Variants in CRTC3 observed in about 807,000 individuals in gnomAD.
The protein encoded by CRTC3 is CREB-regulated transcription coactivator 3.
Under a neutral mutation model 74.5 loss-of-function variants are expected in CRTC3, and 26 were observed. The ratio of observed to expected loss-of-function variants is 0.35; its 90% CI spans 0.26 to 0.48. CRTC3 has a LOEUF of 0.48. Among genes scored for constraint, CRTC3 ranks in the 20% least tolerant of loss-of-function variants. The probability of loss-of-function intolerance (pLI) is 0.99; values close to 1 mark genes in which losing one functional copy is unlikely to be tolerated. For missense variants in CRTC3, 760 were observed against 787.3 expected, an observed-to-expected ratio of 0.97 and a Z score of 0.41; for synonymous variants, 377 against 325.8, an observed-to-expected ratio of 1.16 and a Z score of -1.69.
chr15:90,534,035 G>T (rs1223969526), intron 1 of CRTC3, among the ~76,000 whole-genome samples: 1 of 152,172 alleles, frequency 6.6e-6, no homozygotes, highest in Non-Finnish European at 1.5e-5. Flanking sequence ...AGTCACTGAA[G>T]GGGTTAAACT....
At chr15:90,641,734 G>GA (rs1331070867) in intron 14 of CRTC3, among the ~76,000 whole-genome samples, 198 bp from the exon 15 acceptor site, 3 of 151,938 alleles carry the variant, frequency 2.0e-5, no homozygotes, top group South Asian at 2.1e-4. Flanking sequence ...TGTTCAAAAG[G>GA]AAAAAACCTG....
At chr15:90,634,882 C>G (rs1407202133) in intron 11 of CRTC3, 2 of 1,565,042 alleles carry the variant, frequency 1.3e-6, no homozygotes, top group African/African-American at 2.7e-5. Flanking sequence ...GGATCGGGTT[C>G]TAAAGGTAAG....
chr15:90,559,896 G>T (rs1191342301), intron 2 of CRTC3, among the ~76,000 whole-genome samples: 17 of 152,194 alleles, frequency 1.1e-4, no homozygotes, highest in Admixed American at 6.5e-4. Context: ...ATCCGCCTTG[G>T]CCTCCCAAAG....
intron 2 of CRTC3, among the ~76,000 whole-genome samples, chr15:90,587,289 A>G (rs1181319996): frequency 1.3e-5 from 2 of 152,176 alleles, no homozygotes; most frequent in Admixed American, 6.5e-5. Context: ...GGAGTATGGT[A>G]CTGTCTGCCG....
At chr15:90,585,151 T>C (rs1038151828) in intron 2 of CRTC3, among the ~76,000 whole-genome samples, 1 of 152,220 alleles carries the variant, frequency 6.6e-6, no homozygotes, top group African/African-American at 2.4e-5. Context: ...TTTTTCATTT[T>C]TCTTTTTTGA....
At chr15:90,601,691 C>A (rs569809440) in intron 3 of CRTC3, among the ~76,000 whole-genome samples, 1 of 152,016 alleles carries the variant, frequency 6.6e-6, no homozygotes, top group South Asian at 2.1e-4. Context: ...CCCACCTTAA[C>A]TTAAAAAAAG....
intron 8 of CRTC3, among the ~76,000 whole-genome samples, chr15:90,619,391 A>T (rs1968579145): frequency 6.6e-6 from 1 of 152,220 alleles, no homozygotes; most frequent in Non-Finnish European, 1.5e-5. Context: ...CAGGAAGCGG[A>T]GGTTGCTGTG....
At chr15:90,629,671 C>G in intron 11 of CRTC3, 139 bp downstream of exon 11, 1 of 716,808 alleles carries the variant, frequency 1.4e-6, no homozygotes, top group South Asian at 1.8e-5. Context: ...AGTCTGTTCG[C>G]TCTTATATGT....
At chr15:90,626,056 G>T in intron 10 of CRTC3, 63 bp downstream of exon 10, 1 of 1,240,422 alleles carries the variant, frequency 8.1e-7, no homozygotes, top group Non-Finnish European at 1.2e-6. Context: ...CACCCATGTG[G>T]CCTGTTCAGT....
chr15:90,641,242 T>C (rs1969430290), intron 14 of CRTC3, 43 bp downstream of exon 14: 1 of 1,300,390 alleles, frequency 7.7e-7, no homozygotes. Flanking sequence ...TTTTATGTTG[T>C]TGTGTGTTCA....
intron 1 of CRTC3, among the ~76,000 whole-genome samples, chr15:90,535,157 G>A (rs1386849036): frequency 4.7e-5 from 4 of 84,986 alleles, no homozygotes; most frequent in Non-Finnish European, 9.2e-5. Context: ...GCGAAACTCC[G>A]TCTCAAAAAA....
At chr15:90,545,242 C>T (rs550882255) in intron 2 of CRTC3, among the ~76,000 whole-genome samples, 9 of 152,188 alleles carry the variant, frequency 5.9e-5, no homozygotes, top group African/African-American at 1.9e-4. Context: ...TCCATTCATC[C>T]GCTAATGGAT....
At chr15:90,562,264 C>T (rs956266335) in intron 2 of CRTC3, among the ~76,000 whole-genome samples, 2 of 152,204 alleles carry the variant, frequency 1.3e-5, no homozygotes, top group Admixed American at 1.3e-4. Flanking sequence ...CGAACAGTTA[C>T]TGAGTACCTG....
rs1030625562 is a variant in CRTC3 at position 90,530,872 on chromosome 15, G to C, written c.132+669G>C. 2 of 152,754 alleles carry C rather than the reference G, an allele frequency of 1.3e-5. No individual in the cohort carries two copies. Among genetic ancestry groups the C allele is most frequent in the Non-Finnish European group, 2.9e-5 (2 of 68,422 alleles). The allele number at this position is 152,754 out of a possible 1,614,324, so 9.5% of individuals were successfully genotyped here. On this transcript the variant is annotated intron_variant, in intron 1 of 14. Transcript: ENST00000268184. This position sits in a 1 kb window ranked among gnomAD's most constrained non-coding sequence, Gnocchi z 6.2. ...TGACTGGAGAGGGACCTGGAGGAAT[G>C]AGTAAGGCGCGAGCCGGGACAAACA...
chr15:90,551,780 A>G (rs569332429), intron 2 of CRTC3, among the ~76,000 whole-genome samples: 7 of 8,714 alleles, frequency 8.0e-4, no homozygotes, highest in Non-Finnish European at 1.8e-3. Context: ...TTGAACCTCC[A>G]CTTAACTGCT....
Position 90,629,257 on chromosome 15 carries a change from C to T in CRTC3, c.991C>T (p.Pro331Ser). 6.2e-7 allele frequency: 1 copy of T among 1,613,566 alleles called. No individual in the cohort carries two copies. The change falls in exon 11 of 15, where the codon CCC (proline) becomes TCC (serine). Residue 331 changes from proline (P) to serine (S), a missense_variant. Transcript: ENST00000268184. The part of the protein sequence containing the change: ...SSGLQSSRSN[P>S]SIQATLNKTV... ...AGGTCTCCAGAGTTCTCGGAGTAAC[C>T]CCTCCATCCAAGCCACGCTCAATAA...
intron 2 of CRTC3, among the ~76,000 whole-genome samples, chr15:90,573,248 C>T (rs1196036292): frequency 2.0e-5 from 3 of 152,186 alleles, no homozygotes; most frequent in South Asian, 4.1e-4. Context: ...TCCACAAAGG[C>T]GTGAACACCA....
rs775843778 is a variant in CRTC3 at position 90,607,437 on chromosome 15, A to G, written c.536A>G (p.Tyr179Cys). Residue 179 changes from tyrosine to cysteine, a missense_variant, in exon 6 of 15, where the codon TAT (tyrosine) becomes TGT (cysteine). This residue lies in a region of CRTC3 where 652 missense variants were observed against 635.2 expected (regional missense o/e 1.03). Transcript: ENST00000268184. ...CTGAGTACCAAGCCCCAGGACCCCT[A>G]TGGAGGAGGGGGCCAGTCGGCCTGG... ...SALSTKPQDP[Y>C]GGGGQSAWPA... The G allele has an allele frequency of 1.2e-5, 20 of 1,613,040 alleles. No individual in the cohort carries two copies. The highest frequency in any genetic ancestry group is 1.6e-4 in the Middle Eastern group (1 of 6,080).
chr15:90,602,212 G>A (rs1011291173), intron 3 of CRTC3, 112 bp from the exon 4 acceptor site: 2 of 679,386 alleles, frequency 2.9e-6, no homozygotes, highest in African/African-American at 3.6e-5. Context: ...GAGCTGTCAG[G>A]TACAGGGATA....
Sources: allele counts gnomAD v4.1 joint callset (sites outside exome capture counted in the v4.1 genomes callset), GRCh38; gene constraint gnomAD v4.1.1; regional missense constraint gnomAD v4.1.1; non-coding constraint Gnocchi (gnomAD v3.1); transcripts MANE v1.5; gene names NCBI Gene and HGNC (gene_info 2026-07-23, HGNC 2026-07-21).